ADTRP: variants seen among roughly 807,000 people sequenced by gnomAD.
The protein encoded by ADTRP is androgen-dependent TFPI-regulating protein.
In ADTRP, 20 loss-of-function variants were observed where a neutral mutation model predicts 27.0. That is an observed-to-expected ratio of 0.74 (90% CI 0.52 to 1.08). The LOEUF is 1.08. Among genes scored for constraint, ADTRP ranks in the 50% least tolerant of loss-of-function variants. The pLI is 0.00. For missense variants in ADTRP, 251 were observed against 275.0 expected (o/e 0.91, Z 0.62); for synonymous variants, 101 against 105.2 (o/e 0.96, Z 0.25).
intron 2 of ADTRP, among the ~76,000 whole-genome samples, chr6:11,767,371 C>A (rs1029388166): frequency 6.6e-6 from 1 of 152,154 alleles, no homozygotes; most frequent in Non-Finnish European, 1.5e-5. Context: ...AAAGCTTGGT[C>A]ATTAGAAGAT....
At chr6:11,758,487 G>A (rs910640360) in intron 3 of ADTRP, among the ~76,000 whole-genome samples, 3 of 141,346 alleles carry the variant, frequency 2.1e-5, no homozygotes, top group African/African-American at 2.6e-5. Context: ...ACCAAACACC[G>A]CATGTTCTCA....
intron 3 of ADTRP, among the ~76,000 whole-genome samples, chr6:11,751,462 G>A (rs1403981533): frequency 3.3e-5 from 5 of 152,070 alleles, no homozygotes; most frequent in Admixed American, 1.3e-4. Flanking sequence ...AAATTATAAT[G>A]TGCTTATTTA....
intron 5 of ADTRP, among the ~76,000 whole-genome samples, chr6:11,715,806 C>CTT (rs55961408): frequency 5.0e-4 from 39 of 77,716 alleles, no homozygotes; most frequent in Non-Finnish European, 7.9e-4. Context: ...CCATGCCCAG[C>CTT]TTTTTTTTTT....
intron 5 of ADTRP, chr6:11,717,470 T>A: frequency 7.8e-7 from 1 of 1,285,986 alleles, no homozygotes; most frequent in Non-Finnish European, 1.0e-6. Flanking sequence ...AGATACCATA[T>A]ATAATTATAT....
At chr6:11,715,520 CT>C (rs200544446) in intron 5 of ADTRP, among the ~76,000 whole-genome samples, 1,884 of 152,208 alleles carry the variant, frequency 0.012, 46 homozygotes, top group African/African-American at 0.042. Context: ...AAAACTCTGT[CT>C]TCTTCGTCTG....
At chr6:11,747,928 T>G (rs964130084) in intron 3 of ADTRP, among the ~76,000 whole-genome samples, 1 of 152,228 alleles carries the variant, frequency 6.6e-6, no homozygotes, top group Admixed American at 6.5e-5. Flanking sequence ...TTTTCTTTGA[T>G]TCACTAATTC....
chr6:11,758,605 T>C (rs1434670820), intron 3 of ADTRP, among the ~76,000 whole-genome samples: 1 of 128,982 alleles, frequency 7.8e-6, no homozygotes, highest in Non-Finnish European at 1.6e-5. Context: ...CATTAGGAGG[T>C]ATACCTAATG....
intron 1 of ADTRP, among the ~76,000 whole-genome samples, chr6:11,775,309 T>G (rs2113359891): frequency 6.6e-6 from 1 of 152,276 alleles, no homozygotes; most frequent in Middle Eastern, 3.4e-3. Flanking sequence ...CCTAACACCC[T>G]GCTGACGCCA....
intron 3 of ADTRP, among the ~76,000 whole-genome samples, chr6:11,742,377 C>T (rs1260075718): frequency 1.3e-5 from 2 of 152,000 alleles, no homozygotes; most frequent in Non-Finnish European, 2.9e-5. Context: ...AGACACCTTA[C>T]TAAAAAAGCC....
intron 3 of ADTRP, among the ~76,000 whole-genome samples, chr6:11,765,136 G>GT (rs34958083): frequency 9.9e-5 from 15 of 151,366 alleles, no homozygotes; most frequent in African/African-American, 2.9e-4. Flanking sequence ...GCTGAAATTA[G>GT]TTTTTTTCTG....
At chr6:11,753,999 C>T (rs1763133565) in intron 3 of ADTRP, among the ~76,000 whole-genome samples, 1 of 152,188 alleles carries the variant, frequency 6.6e-6, no homozygotes, top group Admixed American at 6.5e-5. Context: ...AATCGAGGTG[C>T]TCTCAAATGG....
chr6:11,750,018 T>A (rs1317819637), intron 3 of ADTRP, among the ~76,000 whole-genome samples: 1 of 152,128 alleles, frequency 6.6e-6, no homozygotes, highest in Non-Finnish European at 1.5e-5. Flanking sequence ...TTTACTTTCA[T>A]CTTGTAGAGC....
intron 4 of ADTRP, among the ~76,000 whole-genome samples, chr6:11,725,237 T>G (rs955242813): frequency 6.6e-6 from 1 of 152,162 alleles, no homozygotes; most frequent in African/African-American, 2.4e-5. Context: ...GAAAAGGCAA[T>G]CCATGGAATG....
chr6:11,775,374 T>G (rs1163744285), intron 1 of ADTRP, among the ~76,000 whole-genome samples: 2 of 152,112 alleles, frequency 1.3e-5, no homozygotes, highest in South Asian at 2.1e-4. Flanking sequence ...ACCCTATGGT[T>G]AGGTACTATT....
chr6:11,764,530 T>C (rs1018645385), intron 3 of ADTRP, among the ~76,000 whole-genome samples: 2 of 149,722 alleles, frequency 1.3e-5, no homozygotes, highest in East Asian at 3.9e-4. Context: ...TTTAGTAGCA[T>C]ACAGATGAGG....
At chr6:11,774,721 G>A (rs1763897541) in intron 1 of ADTRP, among the ~76,000 whole-genome samples, 1 of 152,202 alleles carries the variant, frequency 6.6e-6, no homozygotes, top group South Asian at 2.1e-4. Flanking sequence ...TCAGAAGGAA[G>A]CTTATCTTTA....
At chr6:11,760,161 T>G (rs1303116811) in intron 3 of ADTRP, among the ~76,000 whole-genome samples, 1 of 152,206 alleles carries the variant, frequency 6.6e-6, no homozygotes, top group African/African-American at 2.4e-5. Flanking sequence ...TCTCTCACCT[T>G]GTTTATTTAT....
chr6:11,752,131 T>C (rs1364920710), intron 3 of ADTRP, among the ~76,000 whole-genome samples: 2 of 152,218 alleles, frequency 1.3e-5, no homozygotes, highest in East Asian at 1.9e-4. Context: ...CCTTCAAATA[T>C]TGCCTTTACC....
At chr6:11,778,020 T>A (rs969241564) in intron 1 of ADTRP, among the ~76,000 whole-genome samples, 7 of 152,186 alleles carry the variant, frequency 4.6e-5, no homozygotes, top group Non-Finnish European at 1.0e-4. Flanking sequence ...GAGTAAGTCA[T>A]AAGATTGGTT....
Sources: allele counts gnomAD v4.1 joint callset (sites outside exome capture counted in the v4.1 genomes callset), GRCh38; gene constraint gnomAD v4.1.1; transcripts MANE v1.5; gene names NCBI Gene and HGNC (gene_info 2026-07-23, HGNC 2026-07-21).